Variants in DBF4 observed in about 807,000 individuals in gnomAD.
DBF4 encodes the protein DBF4-CDC7 kinase regulatory subunit.
Under a neutral mutation model 76.6 loss-of-function variants are expected in DBF4, and 25 were observed. The observed-to-expected ratio is 0.33, with a 90% CI of 0.24 to 0.46. The LOEUF (loss-of-function observed/expected upper bound fraction) is 0.46, where lower values mean the gene tolerates loss of function less well. Ranked by LOEUF, DBF4 falls within the 20% of genes least tolerant of loss-of-function variation. The pLI, the probability that DBF4 is intolerant of heterozygous loss-of-function variation, is 1.00. For synonymous variants in DBF4, 213 were observed against 258.0 expected (o/e 0.83, Z 1.67); for missense variants, 638 against 760.8 (o/e 0.84, Z 1.90).
intron 8 of DBF4, among the ~76,000 whole-genome samples, chr7:87,898,037 C>G (rs1839683914): frequency 6.6e-6 from 1 of 152,218 alleles, no homozygotes; most frequent in African/African-American, 2.4e-5. Flanking sequence ...CTCAGCCTCC[C>G]AAAGTGCGGG....
In DBF4 at chr7:87,907,857, A is replaced by G; in HGVS notation, c.1719A>G (p.Lys573=). 1.9e-6 allele frequency: 3 copies of G among 1,613,800 alleles called. No homozygotes were observed. Among genetic ancestry groups the G allele is most frequent in the South Asian group, 1.1e-5 (1 of 90,928 alleles). Residue 573 remains lysine (K), a synonymous_variant, in exon 12 of 12, where the codon AAA becomes AAG. Coordinates refer to ENST00000265728, the MANE Select transcript of DBF4 (RefSeq NM_006716.4). ...FKNMDSLPSG[K]IHRKVKIILG... ...ATATGGATAGTTTACCTTCTGGTAA[A>G]ATACATCGAAAAGTGAAAATAATAT...
intron 10 of DBF4, 125 bp downstream of exon 10, chr7:87,901,003 T>G: frequency 1.3e-6 from 1 of 773,690 alleles, no homozygotes; most frequent in Non-Finnish European, 2.1e-6. Context: ...AAATGAGTAT[T>G]GAAAATGAAT....
chr7:87,878,035 T>G lies in DBF4; in HGVS notation c.47-18T>G, dbSNP rs1261610308. On this transcript the variant is annotated intron_variant, in intron 1 of 11. Transcript: ENST00000265728. ...AAAGTGTCTGTGTAAAACATCTGAT[T>G]CTAAACATCTTTAATAGGTGGAATC... 1 of 1,559,428 alleles carries G rather than the reference T, an allele frequency of 6.4e-7. No homozygotes were observed. The highest frequency in any genetic ancestry group is 8.7e-7 in the Non-Finnish European group (1 of 1,152,458).
intron 11 of DBF4, among the ~76,000 whole-genome samples, chr7:87,905,298 T>G (rs981672738): frequency 1.3e-4 from 20 of 152,234 alleles, no homozygotes; most frequent in Admixed American, 7.2e-4. Context: ...AAAAATAGAC[T>G]GACGGCTAGA....
intron 2 of DBF4, among the ~76,000 whole-genome samples, chr7:87,884,768 T>A (rs1294643583): frequency 1.3e-5 from 2 of 152,134 alleles, no homozygotes; most frequent in African/African-American, 4.8e-5. Flanking sequence ...TGAAACAGTT[T>A]ATGGTTTTTA....
chr7:87,898,342 A>G (rs756864434), intron 8 of DBF4, among the ~76,000 whole-genome samples: 36 of 152,202 alleles, frequency 2.4e-4, no homozygotes, highest in Non-Finnish European at 4.6e-4. Context: ...GGAAGATATA[A>G]TATTGTTAAG....
chr7:87,882,294 G>GT (rs1306964809), intron 2 of DBF4, among the ~76,000 whole-genome samples: 1 of 152,144 alleles, frequency 6.6e-6, no homozygotes, highest in Non-Finnish European at 1.5e-5. Context: ...GAAAAATGAA[G>GT]TTGGACCTTT....
At chr7:87,889,748 A>G (rs532986060) in intron 6 of DBF4, among the ~76,000 whole-genome samples, 1 of 152,342 alleles carries the variant, frequency 6.6e-6, no homozygotes, top group African/African-American at 2.4e-5. Flanking sequence ...TATCAATCAA[A>G]GTGTAAAAAT....
At position 87,907,783 on chromosome 7, in the gene DBF4, G is replaced by C; in HGVS notation, c.1645G>C (p.Ala549Pro). 1.2e-6 allele frequency: 2 copies of C among 1,613,990 alleles called. No homozygotes were observed. Among genetic ancestry groups the C allele is most frequent in the East Asian group, 4.5e-5 (2 of 44,870 alleles). ...AGAGCACCTAACTGTTCAGGCAAAGGCTCCATTCCATACTCCTCCTGAGGA... is the reference window on the plus strand; with the variant it reads ...AGAGCACCTAACTGTTCAGGCAAAGCCTCCATTCCATACTCCTCCTGAGGA... ...SQEHLTVQAK[A>P]PFHTPPEEPN... Residue 549 changes from alanine to proline, a missense_variant, in exon 12 of 12, where the codon GCT becomes CCT. Transcript: ENST00000265728.
chr7:87,904,522 T>C (rs77939101), intron 11 of DBF4, 106 bp downstream of exon 11: 270,121 of 1,354,330 alleles, frequency 0.2, 31,066 homozygotes, highest in African/African-American at 0.48. Context: ...GTTGGATCAC[T>C]TGAGGTCAGG....
In DBF4 at chr7:87,882,045, C is replaced by T. The variant is rs1193270618; in HGVS notation, c.220-2934C>T. On this transcript the variant is annotated intron_variant, in intron 2 of 11. Coordinates refer to ENST00000265728, the MANE Select transcript of DBF4 (RefSeq NM_006716.4). ...ACAAAATTATATTAGGGCTAGATTG[C>T]AAAGGGCGTTTTATTCACTCTAAGG... Among the ~76,000 whole-genome samples the T allele has an allele frequency of 3.3e-5, 5 of 152,246 alleles. No homozygotes were observed. The East Asian group carries it at 5.8e-4, about 18-fold the overall frequency.
chr7:87,889,402 C>G (rs1839434263), intron 6 of DBF4, among the ~76,000 whole-genome samples: 1 of 151,876 alleles, frequency 6.6e-6, no homozygotes, highest in Non-Finnish European at 1.5e-5. Flanking sequence ...ACCTCAGCCT[C>G]CCAAGTAGCT....
chr7:87,897,643 G>A (rs1323480096), intron 8 of DBF4, among the ~76,000 whole-genome samples: 1 of 152,184 alleles, frequency 6.6e-6, no homozygotes, highest in African/African-American at 2.4e-5. Flanking sequence ...TAGAACTACT[G>A]AAAGATTACG....
At chr7:87,901,010 G>A (rs1839770672) in intron 10 of DBF4, 132 bp downstream of exon 10, 1 of 733,978 alleles carries the variant, frequency 1.4e-6, no homozygotes, top group Admixed American at 2.7e-5. Flanking sequence ...TATTGAAAAT[G>A]AATTTTTATT....
intron 3 of DBF4, 111 bp downstream of exon 3, chr7:87,885,269 C>T: frequency 1.1e-6 from 1 of 899,802 alleles, no homozygotes; most frequent in South Asian, 2.0e-5. Flanking sequence ...ATTTGCAAAG[C>T]CACATGATGT....
At chr7:87,880,817 A>G (rs1416897167) in intron 2 of DBF4, among the ~76,000 whole-genome samples, 1 of 152,150 alleles carries the variant, frequency 6.6e-6, no homozygotes, top group Non-Finnish European at 1.5e-5. Flanking sequence ...GTGTTACAGA[A>G]CCATCTAAGG....
chr7:87,893,644 C>T (rs920586702), intron 6 of DBF4, among the ~76,000 whole-genome samples: 2 of 152,156 alleles, frequency 1.3e-5, no homozygotes, highest in Admixed American at 6.5e-5. Context: ...CTGATGTAGA[C>T]CATTCTGGCT....
In DBF4 at chr7:87,885,114, C is replaced by T; in HGVS notation, c.355C>T (p.Pro119Ser). 1.2e-6 allele frequency: 2 copies of T among 1,612,818 alleles called. No homozygotes were observed. The highest frequency in any genetic ancestry group is 2.2e-5 in the East Asian group (1 of 44,854). Reference sequence around the variant, plus strand: ...TGCATATACTGCAGAAACCACTTCACCTCATCCCAGCCATGATGGAAGTTC... The same window carrying T: ...TGCATATACTGCAGAAACCACTTCATCTCATCCCAGCCATGATGGAAGTTC... The part of the protein sequence containing the change: ...ESAYTAETTS[P>S]HPSHDGSSFK... Residue 119 changes from proline to serine, a missense_variant, in exon 3 of 12, where the codon CCT becomes TCT. Coordinates refer to ENST00000265728, the MANE Select transcript of DBF4 (RefSeq NM_006716.4).
At position 87,904,309 on chromosome 7, in the gene DBF4, A is replaced by G. The variant is rs755347280; in HGVS notation, c.942A>G (p.Gln314=). 11 of 1,610,350 alleles carry G rather than the reference A, an allele frequency of 6.8e-6. No individual in the cohort carries two copies. Among genetic ancestry groups the G allele is most frequent in the Admixed American group, 6.8e-5 (4 of 58,842 alleles). Residue 314 remains glutamine (Q), a synonymous_variant, in exon 11 of 12, where the codon CAA becomes CAG. Transcript: ENST00000265728. The stretch of plus-strand genomic sequence containing the variant: ...TGTTTTAGCACCTTCTAAGTGAGCA[A>G]CACAGAAACTTTGCACAGAGTAACC... ...EDLETHLLSE[Q]HRNFAQSNQY...
Sources: gnomAD v4.1 joint callset for allele counts (sites outside exome capture counted in the v4.1 genomes callset) on GRCh38, gnomAD v4.1.1 for gene constraint, MANE v1.5 for transcripts, NCBI Gene and HGNC (gene_info 2026-07-23, HGNC 2026-07-21) for gene names.